FBXO4: variants seen among roughly 807,000 people sequenced by gnomAD.
FBXO4 encodes F-box only protein 4.
A neutral mutation model predicts 43.7 loss-of-function variants in FBXO4; 36 were observed. That is an observed-to-expected ratio of 0.82 (90% confidence interval 0.63 to 1.09). The LOEUF is 1.09. FBXO4 is among the 50% of genes least tolerant of loss of function. FBXO4 has a pLI of 0.00. For synonymous variants in FBXO4, 180 were observed against 165.6 expected (o/e 1.09, Z -0.67); for missense variants, 435 against 474.1 (o/e 0.92, Z 0.77).
chr5:41,998,907 C>G, the FBXO4 span, among the ~76,000 whole-genome samples: 22,633 of 152,048 alleles, frequency 0.15, 2,837 homozygotes, highest in African/African-American at 0.34. Context: ...CTCGGTATCT[C>G]CTTCTGAAGC....
the FBXO4 span, among the ~76,000 whole-genome samples, chr5:41,988,319 G>T: frequency 1.3e-5 from 2 of 152,118 alleles, no homozygotes; most frequent in African/African-American, 2.4e-5. Context: ...TTAGGCTCTG[G>T]TTAAATAGTT....
At chr5:42,033,068 G>A in the FBXO4 span, among the ~76,000 whole-genome samples, 446 of 152,258 alleles carry the variant, frequency 2.9e-3, 3 homozygotes, top group African/African-American at 0.01. Flanking sequence ...ATATCATGCT[G>A]TGGCTGAGCT....
the FBXO4 span, among the ~76,000 whole-genome samples, chr5:41,982,010 T>G: frequency 6.6e-6 from 1 of 152,006 alleles, no homozygotes; most frequent in Non-Finnish European, 1.5e-5. Flanking sequence ...TTTGGTTTTT[T>G]GTCCTTGCAA....
At chr5:41,927,721 A>G (rs1751553051) in intron 2 of FBXO4, among the ~76,000 whole-genome samples, 1 of 152,184 alleles carries the variant, frequency 6.6e-6, no homozygotes, top group African/African-American at 2.4e-5. Context: ...GAGCAACTGC[A>G]GTGTACTGGA....
At chr5:41,986,566 G>A in the FBXO4 span, among the ~76,000 whole-genome samples, 3 of 152,194 alleles carry the variant, frequency 2.0e-5, no homozygotes, top group East Asian at 3.9e-4. Context: ...TGATGCTACC[G>A]TTTGTATTTA....
chr5:42,039,649 G>A, the FBXO4 span, among the ~76,000 whole-genome samples: 2 of 152,066 alleles, frequency 1.3e-5, no homozygotes, highest in Non-Finnish European at 2.9e-5. Flanking sequence ...TTGAGTGTGG[G>A]CACACCTGTG....
the FBXO4 span, chr5:41,968,484 C>T: frequency 1.3e-5 from 2 of 152,242 alleles, no homozygotes; most frequent in African/African-American, 2.4e-5. Flanking sequence ...AATTAAGTTC[C>T]GCAGAAAAGT....
downstream of FBXO4, among the ~76,000 whole-genome samples, chr5:41,946,520 A>C (rs193158549): frequency 4.6e-3 from 699 of 152,334 alleles, 4 homozygotes; most frequent in Admixed American, 0.016. Flanking sequence ...ACTTGCCTTG[A>C]GTAATTTTCC....
the FBXO4 span, among the ~76,000 whole-genome samples, chr5:41,975,421 G>T: frequency 6.6e-6 from 1 of 152,162 alleles, no homozygotes; most frequent in African/African-American, 2.4e-5. Context: ...CTCCATTGTT[G>T]CTTTGTTCTA....
chr5:41,930,670 CTTT>C (rs555192662), intron 3 of FBXO4, among the ~76,000 whole-genome samples: 5 of 141,770 alleles, frequency 3.5e-5, no homozygotes, highest in Non-Finnish European at 4.6e-5. Context: ...TTCTTTCTTT[CTTT>C]TTTTTTTTTT....
the FBXO4 span, among the ~76,000 whole-genome samples, chr5:42,004,285 T>A: frequency 6.6e-6 from 1 of 152,184 alleles, no homozygotes; most frequent in African/African-American, 2.4e-5. Flanking sequence ...TGTAATATCT[T>A]TGGCAAATTT....
At chr5:42,034,845 C>G in the FBXO4 span, among the ~76,000 whole-genome samples, 1 of 152,062 alleles carries the variant, frequency 6.6e-6, no homozygotes, top group Admixed American at 6.6e-5. Context: ...GTTGTCTATA[C>G]AGGCTCTTTT....
intron 5 of FBXO4, chr5:41,939,227 T>G: frequency 2.5e-6 from 1 of 405,132 alleles, no homozygotes; most frequent in Non-Finnish European, 4.4e-6. Flanking sequence ...GAAAGGGTAG[T>G]GACATCTACA....
At chr5:42,021,392 AT>A in the FBXO4 span, among the ~76,000 whole-genome samples, 1 of 152,130 alleles carries the variant, frequency 6.6e-6, no homozygotes, top group Non-Finnish European at 1.5e-5. Flanking sequence ...CTAGGTCTTG[AT>A]TTGAGCACCC....
the FBXO4 span, among the ~76,000 whole-genome samples, chr5:41,977,883 C>T: frequency 1.3e-5 from 2 of 152,202 alleles, no homozygotes; most frequent in Non-Finnish European, 2.9e-5. Flanking sequence ...AAAGCTGCTT[C>T]CACATTTTCT....
At chr5:41,954,325 A>C in the FBXO4 span, among the ~76,000 whole-genome samples, 1 of 152,240 alleles carries the variant, frequency 6.6e-6, no homozygotes, top group Admixed American at 6.5e-5. Flanking sequence ...AGATGCTACT[A>C]TTAACATTTG....
chr5:42,010,232 G>T, the FBXO4 span, among the ~76,000 whole-genome samples: 1 of 152,124 alleles, frequency 6.6e-6, no homozygotes, highest in Non-Finnish European at 1.5e-5. Context: ...AGGTGCGGTG[G>T]CTCACGCCTG....
At chr5:42,037,626 C>A in the FBXO4 span, among the ~76,000 whole-genome samples, 1 of 152,054 alleles carries the variant, frequency 6.6e-6, no homozygotes, top group African/African-American at 2.4e-5. Flanking sequence ...TAGAAAACAA[C>A]CTGAACATTT....
the FBXO4 span, among the ~76,000 whole-genome samples, chr5:41,980,111 C>T: frequency 2.0e-5 from 3 of 152,050 alleles, no homozygotes; most frequent in Admixed American, 1.3e-4. Flanking sequence ...ATTTTAATTC[C>T]AGTCTTTTTA....
Sources: gnomAD v4.1 joint callset for allele counts (sites outside exome capture counted in the v4.1 genomes callset) on GRCh38, gnomAD v4.1.1 for gene constraint, MANE v1.5 for transcripts, NCBI Gene and HGNC (gene_info 2026-07-23, HGNC 2026-07-21) for gene names.